SCN11A: variants seen among roughly 807,000 people sequenced by gnomAD.
SCN11A encodes the protein sodium voltage-gated channel alpha subunit 11, also known as sodium channel protein type 11 subunit alpha.
Under a neutral mutation model 162.2 loss-of-function variants are expected in SCN11A, and 122 were observed. That is an observed-to-expected ratio of 0.75 (90% CI 0.65 to 0.87). The LOEUF (loss-of-function observed/expected upper bound fraction) is 0.87, where lower values mean the gene tolerates loss of function less well. SCN11A is among the 40% of genes least tolerant of loss of function. SCN11A has a pLI of 0.00. For missense variants in SCN11A, 2,015 were observed against 2,181.6 expected (o/e 0.92, Z 1.52); for synonymous variants, 758 against 751.5 (o/e 1.01, Z -0.14).
At chr3:38,918,116 T>TG in intron 11 of SCN11A, among the ~76,000 whole-genome samples, 1 of 151,596 alleles carries the variant, frequency 6.6e-6, no homozygotes, top group East Asian at 1.9e-4. Context: ...GCAAAAGACT[T>TG]GGGAAAAAAA....
chr3:38,910,914 T>G (rs1261516864), intron 11 of SCN11A, among the ~76,000 whole-genome samples: 1 of 152,186 alleles, frequency 6.6e-6, no homozygotes, highest in African/African-American at 2.4e-5. Context: ...TATTTCTTAG[T>G]TTTTTAATAA....
intron 2 of SCN11A, among the ~76,000 whole-genome samples, chr3:38,989,164 G>A (rs1333890358): frequency 6.6e-6 from 1 of 152,170 alleles, no homozygotes; most frequent in Non-Finnish European, 1.5e-5. Context: ...ATGCTGGGGA[G>A]ACCACAAGTA....
At chr3:38,974,948 C>G (rs904719190) in intron 2 of SCN11A, among the ~76,000 whole-genome samples, 6 of 150,294 alleles carry the variant, frequency 4.0e-5, no homozygotes, top group Non-Finnish European at 5.9e-5. Context: ...TCAAAGGCAA[C>G]TAGATTCTGA....
chr3:38,905,440 T>C, intron 14 of SCN11A, 119 bp from the exon 15 acceptor site: 1 of 1,132,770 alleles, frequency 8.8e-7, no homozygotes, highest in South Asian at 1.7e-5. Flanking sequence ...TCTATAGGTC[T>C]ACTCACCTCG....
In SCN11A at chr3:38,886,234, T is replaced by C. The variant is rs138227300; in HGVS notation, c.2840A>G (p.Tyr947Cys). The change falls in exon 20 of 30, where the codon TAT becomes TGT. Residue 947 changes from tyrosine (Y) to cysteine (C), a missense_variant. Transcript: ENST00000302328. ...CTTCTTGTTCTCCTGATGGAGCTCATAGGCCTAACACAGAGAGCCCAGAAT... is the reference window on the plus strand; with the variant it reads ...CTTCTTGTTCTCCTGATGGAGCTCACAGGCCTAACACAGAGAGCCCAGAAT... Reference protein sequence around the residue: ...ITQPEPEQQAYELHQENKKPT... With the variant: ...ITQPEPEQQACELHQENKKPT... The C allele has an allele frequency of 6.2e-6, 10 of 1,605,842 alleles. No homozygotes were observed. Among genetic ancestry groups the C allele is most frequent in the African/African-American group, 5.4e-5 (4 of 74,744 alleles).
At chr3:38,998,671 T>C (rs1345316181) in intron 2 of SCN11A, among the ~76,000 whole-genome samples, 1 of 152,008 alleles carries the variant, frequency 6.6e-6, no homozygotes, top group Non-Finnish European at 1.5e-5. Flanking sequence ...TGTCCAACAA[T>C]GATAGACTGG....
At chr3:39,042,696 G>A (rs553142369) in intron 1 of SCN11A, among the ~76,000 whole-genome samples, 3 of 152,112 alleles carry the variant, frequency 2.0e-5, no homozygotes, top group Non-Finnish European at 2.9e-5. Context: ...AGTGGCTCAC[G>A]CCTGTAATCC....
At chr3:39,034,289 C>T (rs926087358) in intron 1 of SCN11A, among the ~76,000 whole-genome samples, 12 of 152,066 alleles carry the variant, frequency 7.9e-5, no homozygotes, top group African/African-American at 2.2e-4. Flanking sequence ...GATGCAAGGA[C>T]GGTTCAACAT....
Position 39,010,441 on chromosome 3 carries a change from G to A in SCN11A, c.-280+21939C>T, listed in dbSNP as rs140597894. Among the ~76,000 whole-genome samples the A allele has an allele frequency of 6.0e-4, 90 of 149,684 alleles. 1 individual carries two copies. Among genetic ancestry groups the A allele is most frequent in the Non-Finnish European group, 2.7e-4 (18 of 67,798 alleles). On this transcript the variant is annotated intron_variant, in intron 2 of 29. Coordinates refer to ENST00000302328, the MANE Select transcript of SCN11A (RefSeq NM_001349253.2). ...GTTCCCCAAGCTGGAGTGCAGTGGC[G>A]CATCTCTGCTCACTGCAAGCTCCGC...
Position 38,926,845 on chromosome 3 carries a change from C to A in SCN11A, c.575G>T (p.Arg192Leu). The change falls in exon 8 of 30, where the codon CGA becomes CTA. Residue 192 changes from arginine (R) to leucine (L), a missense_variant. Transcript: ENST00000302328. ...GFILDEFSFLRDPWNWLDSIV... is the reference protein window; with the variant it reads ...GFILDEFSFLLDPWNWLDSIV... ...GGAGTCCAGCCAGTTCCATGGATCT[C>A]GAAGGAAAGAAAACTCATCCAGAAT... The A allele has an allele frequency of 6.2e-7, 1 of 1,613,516 alleles. No individual in the cohort carries two copies. The highest frequency in any genetic ancestry group is 8.5e-7 in the Non-Finnish European group (1 of 1,179,508).
intron 5 of SCN11A, 65 bp downstream of exon 5, chr3:38,950,031 A>T: frequency 1.1e-6 from 1 of 885,164 alleles, no homozygotes; most frequent in East Asian, 2.9e-5. Flanking sequence ...AACCTGTAAC[A>T]CCAGTTACAA....
At chr3:38,962,169 T>A (rs1405552881) in intron 2 of SCN11A, among the ~76,000 whole-genome samples, 1 of 152,194 alleles carries the variant, frequency 6.6e-6, no homozygotes, top group East Asian at 1.9e-4. Flanking sequence ...TGAAGATCAG[T>A]TGGCTGTAAG....
chr3:38,954,153 C>T (rs931000139), intron 3 of SCN11A, among the ~76,000 whole-genome samples: 2 of 152,156 alleles, frequency 1.3e-5, no homozygotes, highest in African/African-American at 4.8e-5. Flanking sequence ...CCACATTCAT[C>T]CAGAGTCAAG....
intron 24 of SCN11A, 31 bp from the exon 25 acceptor site, chr3:38,871,739 A>G: frequency 1.3e-6 from 2 of 1,551,620 alleles, no homozygotes; most frequent in African/African-American, 1.4e-5. Context: ...GAAAACCATA[A>G]CAGATGGGTA....
At chr3:38,995,335 T>G (rs2030592546) in intron 2 of SCN11A, among the ~76,000 whole-genome samples, 1 of 152,148 alleles carries the variant, frequency 6.6e-6, no homozygotes, top group Non-Finnish European at 1.5e-5. Flanking sequence ...GTAGCCAGGA[T>G]GGTCTCCATC....
At chr3:39,036,303 TC>T (rs1326994890) in intron 1 of SCN11A, among the ~76,000 whole-genome samples, 1 of 151,992 alleles carries the variant, frequency 6.6e-6, no homozygotes, top group Non-Finnish European at 1.5e-5. Context: ...CCCCACCACA[TC>T]TGGCTAATTT....
intron 5 of SCN11A, among the ~76,000 whole-genome samples, chr3:38,947,208 T>C (rs538766227): frequency 6.6e-6 from 1 of 152,264 alleles, no homozygotes; most frequent in African/African-American, 2.4e-5. Context: ...GAGGCAGAAA[T>C]TGAGCTTGGA....
At chr3:38,903,550 G>T (rs2065737975) in intron 16 of SCN11A, among the ~76,000 whole-genome samples, 1 of 152,182 alleles carries the variant, frequency 6.6e-6, no homozygotes, top group Non-Finnish European at 1.5e-5. Flanking sequence ...CATTACCACG[G>T]TTCTCTGGAT....
chr3:38,872,492 T>A (rs2065145977), intron 23 of SCN11A, among the ~76,000 whole-genome samples, 198 bp from the exon 24 acceptor site: 2 of 152,200 alleles, frequency 1.3e-5, no homozygotes. Context: ...CAATCACATG[T>A]AATCTGGGGT....
Sources: gnomAD v4.1 joint callset for allele counts (sites outside exome capture counted in the v4.1 genomes callset) on GRCh38, gnomAD v4.1.1 for gene constraint, MANE v1.5 for transcripts, NCBI Gene and HGNC (gene_info 2026-07-23, HGNC 2026-07-21) for gene names.